SNX9: variants seen among roughly 807,000 people sequenced by gnomAD.
The protein encoded by SNX9 is sorting nexin 9.
SNX9 carries 44 observed loss-of-function variants against 89.4 expected under a neutral mutation model. The observed-to-expected ratio is 0.49, with a 90% CI of 0.39 to 0.63. SNX9 has a LOEUF of 0.63. Ranked by LOEUF, SNX9 falls within the 30% of genes least tolerant of loss-of-function variation. SNX9 has a pLI of 0.00. For missense variants in SNX9, 578 were observed against 736.1 expected (o/e 0.79, Z 2.49); for synonymous variants, 236 against 247.8 (o/e 0.95, Z 0.45).
chr6:157,867,510 G>T (rs1180430882), intron 1 of SNX9, 37 bp from the exon 2 acceptor site: 4 of 1,557,852 alleles, frequency 2.6e-6, no homozygotes, highest in African/African-American at 1.4e-5. Context: ...CTCTGTTTGT[G>T]TTTGTAACAT....
intron 6 of SNX9, 120 bp downstream of exon 6, chr6:157,902,165 G>T: frequency 1.2e-6 from 1 of 847,776 alleles, no homozygotes; most frequent in Non-Finnish European, 1.6e-6. Flanking sequence ...CTAAGTTTTG[G>T]ATATGATTCA....
chr6:157,921,541 A>G lies in SNX9; in HGVS notation c.960A>G (p.Glu320=). ...LPDKQVTGRF[E]EEFIKMRMER... The stretch of plus-strand genomic sequence containing the variant: ...GTGTGTCGCTTGCAGGCCGCTTTGA[A>G]GAGGAATTTATCAAAATGCGCATGG... The change falls in exon 10 of 18, where the codon GAA becomes GAG. Residue 320 remains glutamate, a synonymous_variant. Transcript: ENST00000392185. 1.9e-6 allele frequency: 3 copies of G among 1,613,620 alleles called. No individual in the cohort carries two copies. The highest frequency in any genetic ancestry group is 2.5e-6 in the Non-Finnish European group (3 of 1,179,606).
At chr6:157,937,050 A>C (rs1783940681) in intron 14 of SNX9, among the ~76,000 whole-genome samples, 1 of 146,000 alleles carries the variant, frequency 6.8e-6, no homozygotes, top group African/African-American at 2.6e-5. Context: ...TAAAATTACC[A>C]CTTAAAATGA....
chr6:157,914,928 G>A (rs774592938), intron 9 of SNX9, among the ~76,000 whole-genome samples: 6 of 152,060 alleles, frequency 3.9e-5, no homozygotes, highest in African/African-American at 9.7e-5. Flanking sequence ...TAGGCTTTTC[G>A]TTTAGATCTT....
At chr6:157,863,901 T>C (rs1425443232) in intron 1 of SNX9, among the ~76,000 whole-genome samples, 1 of 152,234 alleles carries the variant, frequency 6.6e-6, no homozygotes, top group African/African-American at 2.4e-5. Flanking sequence ...GATATGGTTA[T>C]TAAATCCTTT....
At chr6:157,830,252 G>A (rs1191135272) in intron 1 of SNX9, 1 of 152,126 alleles carries the variant, frequency 6.6e-6, no homozygotes, top group Non-Finnish European at 1.5e-5. Flanking sequence ...AATTTCCATT[G>A]AGAAGGTATG....
intron 7 of SNX9, among the ~76,000 whole-genome samples, chr6:157,908,942 C>T (rs1177340485): frequency 1.3e-5 from 2 of 152,170 alleles, no homozygotes; most frequent in Admixed American, 6.5e-5. Context: ...CCCAGGTGGA[C>T]GTGATACCCG....
At chr6:157,910,149 G>T (rs1783309059) in intron 9 of SNX9, 124 bp downstream of exon 9, 2 of 754,344 alleles carry the variant, frequency 2.7e-6, no homozygotes, top group African/African-American at 3.5e-5. Flanking sequence ...GTTGGAAACA[G>T]TAATTAAATA....
intron 14 of SNX9, among the ~76,000 whole-genome samples, chr6:157,936,671 C>T (rs968206627): frequency 2.0e-5 from 3 of 152,166 alleles, no homozygotes; most frequent in African/African-American, 7.2e-5. Flanking sequence ...TGTTAATCTG[C>T]AGTGGTAGTG....
intron 1 of SNX9, among the ~76,000 whole-genome samples, chr6:157,860,232 CTT>C (rs1782094215): frequency 6.6e-6 from 1 of 151,952 alleles, no homozygotes; most frequent in South Asian, 2.1e-4. Context: ...GATCTCGTCT[CTT>C]TAAAAAAATT....
intron 4 of SNX9, among the ~76,000 whole-genome samples, chr6:157,889,635 A>G (rs1016899211): frequency 6.6e-6 from 1 of 152,144 alleles, no homozygotes; most frequent in African/African-American, 2.4e-5. Context: ...TTCCTCTTTT[A>G]TGTATCTGAA....
chr6:157,865,358 A>AC (rs1392291296), intron 1 of SNX9, among the ~76,000 whole-genome samples: 1 of 151,918 alleles, frequency 6.6e-6, no homozygotes, highest in Non-Finnish European at 1.5e-5. Flanking sequence ...AAAAAAAAAA[A>AC]ACACCACATA....
At chr6:157,828,587 T>C (rs1290677242) in intron 1 of SNX9, among the ~76,000 whole-genome samples, 1 of 152,144 alleles carries the variant, frequency 6.6e-6, no homozygotes, top group Non-Finnish European at 1.5e-5. Flanking sequence ...TCGACTTCCC[T>C]GGCTCAGGTG....
chr6:157,898,431 C>G (rs1359800910), intron 5 of SNX9, among the ~76,000 whole-genome samples: 1 of 152,212 alleles, frequency 6.6e-6, no homozygotes, highest in Non-Finnish European at 1.5e-5. Flanking sequence ...ATCTCCACAT[C>G]TTCAGAGAGA....
chr6:157,914,462 TCTTTTTC>T, intron 9 of SNX9, among the ~76,000 whole-genome samples: 2 of 127,004 alleles, frequency 1.6e-5, no homozygotes, highest in Non-Finnish European at 3.2e-5. Context: ...CTTGTCATTT[TCTTTTTC>T]TTTTTTTTTT....
At chr6:157,901,382 C>T (rs879725391) in intron 5 of SNX9, among the ~76,000 whole-genome samples, 1 of 152,192 alleles carries the variant, frequency 6.6e-6, no homozygotes, top group Non-Finnish European at 1.5e-5. Flanking sequence ...GTTCCCTGTG[C>T]TTTTGGTGTA....
At chr6:157,921,991 C>T (rs2115192402) in intron 10 of SNX9, among the ~76,000 whole-genome samples, 1 of 152,252 alleles carries the variant, frequency 6.6e-6, no homozygotes, top group South Asian at 2.1e-4. Flanking sequence ...GTATTATCAG[C>T]ATGAAGTGAG....
At position 157,902,019 on chromosome 6, in the gene SNX9, C is replaced by G. The variant is rs1783109641; in HGVS notation, c.594C>G (p.Ser198=). ...AGCGAGGAAACAGTCGTGCTAGTTC[C>G]TCATCCATGAAAATTCCCCTTAACA... ...GAQRGNSRAS[S]SSMKIPLNKF... is the part of the protein sequence containing the mutation. The change falls in exon 6 of 18, where the codon TCC becomes TCG. Residue 198 remains serine, a synonymous_variant. Coordinates refer to ENST00000392185, the MANE Select transcript of SNX9 (RefSeq NM_016224.5). 3.7e-6 allele frequency: 6 copies of G among 1,613,302 alleles called. No homozygotes were observed. The highest frequency in any genetic ancestry group is 5.1e-6 in the Non-Finnish European group (6 of 1,179,764).
At chr6:157,871,199 G>A (rs547174139) in intron 2 of SNX9, among the ~76,000 whole-genome samples, 2 of 152,120 alleles carry the variant, frequency 1.3e-5, no homozygotes, top group Non-Finnish European at 2.9e-5. Flanking sequence ...TAGTAACATG[G>A]CAAAACCTCA....
Sources: gnomAD v4.1 joint callset for allele counts (sites outside exome capture counted in the v4.1 genomes callset) on GRCh38, gnomAD v4.1.1 for gene constraint, MANE v1.5 for transcripts, NCBI Gene and HGNC (gene_info 2026-07-23, HGNC 2026-07-21) for gene names.